Variants in NKAIN2 observed in about 807,000 individuals in gnomAD.
NKAIN2 encodes sodium/potassium transporting ATPase interacting 2, also known as sodium/potassium-transporting ATPase subunit beta-1-interacting protein 2.
Under a neutral mutation model 32.6 loss-of-function variants are expected in NKAIN2, and 14 were observed. The ratio of observed to expected loss-of-function variants is 0.43; its 90% confidence interval spans 0.28 to 0.67. The LOEUF (loss-of-function observed/expected upper bound fraction) is 0.67. Ranked by LOEUF, NKAIN2 falls within the 30% of genes least tolerant of loss-of-function variation. NKAIN2 has a pLI of 0.17. For synonymous variants in NKAIN2, 80 were observed against 87.2 expected, an observed-to-expected ratio of 0.92 and a Z score of 0.46; for missense variants, 198 against 258.3, an observed-to-expected ratio of 0.77 and a Z score of 1.60.
At chr6:124,477,822 TCTC>T (rs201716634) in intron 3 of NKAIN2, among the ~76,000 whole-genome samples, 5,632 of 134,732 alleles carry the variant, frequency 0.042, 206 homozygotes, top group Non-Finnish European at 0.063. Flanking sequence ...TCCATCTCTC[TCTC>T]CTCCTTCTTC....
At chr6:124,648,058 C>A (rs1338341871) in intron 3 of NKAIN2, among the ~76,000 whole-genome samples, 1 of 152,144 alleles carries the variant, frequency 6.6e-6, no homozygotes, top group African/African-American at 2.4e-5. Context: ...CCAAGTAAAA[C>A]AAACAAAGAA....
intron 3 of NKAIN2, among the ~76,000 whole-genome samples, chr6:124,523,760 T>G (rs1191786591): frequency 6.6e-6 from 1 of 152,100 alleles, no homozygotes; most frequent in Non-Finnish European, 1.5e-5. Context: ...GAAGGAACAA[T>G]GCTCCTAAGG....
intron 1 of NKAIN2, among the ~76,000 whole-genome samples, chr6:123,946,125 A>G (rs897316143): frequency 1.3e-5 from 2 of 152,184 alleles, no homozygotes; most frequent in Non-Finnish European, 2.9e-5. Flanking sequence ...TATCAGCTGC[A>G]CAACAATGCT....
chr6:123,929,198 G>A (rs1455953846), intron 1 of NKAIN2, among the ~76,000 whole-genome samples: 2 of 152,102 alleles, frequency 1.3e-5, no homozygotes, highest in African/African-American at 4.8e-5. Flanking sequence ...TGAATTTTGT[G>A]TTTTATACTT....
At chr6:124,386,241 G>T (rs984559670) in intron 3 of NKAIN2, among the ~76,000 whole-genome samples, 1 of 152,090 alleles carries the variant, frequency 6.6e-6, no homozygotes, top group Non-Finnish European at 1.5e-5. Context: ...ACGCCTTCCT[G>T]GATGTTTTTC....
chr6:124,337,048 A>G (rs545708186), intron 2 of NKAIN2, among the ~76,000 whole-genome samples: 5 of 152,268 alleles, frequency 3.3e-5, no homozygotes, highest in South Asian at 2.1e-4. Context: ...GTTGATAGTC[A>G]CTGGAGAGCT....
chr6:124,800,787 C>T (rs1452786180), intron 5 of NKAIN2, among the ~76,000 whole-genome samples: 3 of 152,092 alleles, frequency 2.0e-5, no homozygotes, highest in Non-Finnish European at 2.9e-5. Flanking sequence ...GGTGACCAGA[C>T]CTCAGAGTCA....
chr6:124,560,310 AC>A (rs1209305714), intron 3 of NKAIN2, among the ~76,000 whole-genome samples: 6 of 152,134 alleles, frequency 3.9e-5, no homozygotes, highest in Admixed American at 3.9e-4. Context: ...CCTTTCTGCC[AC>A]CATGTGAAGA....
intron 1 of NKAIN2, among the ~76,000 whole-genome samples, chr6:123,814,259 A>C (rs1338511074): frequency 6.6e-6 from 1 of 152,160 alleles, no homozygotes; most frequent in Admixed American, 6.5e-5. Flanking sequence ...AATAAATCAA[A>C]TTAACGAATG....
chr6:124,397,528 T>G (rs566735950), intron 3 of NKAIN2, among the ~76,000 whole-genome samples: 21 of 108,664 alleles, frequency 1.9e-4, no homozygotes, highest in Non-Finnish European at 2.9e-4. Context: ...TCACAGAGAG[T>G]TTTTTTTTTT....
At chr6:124,571,456 G>A (rs921121447) in intron 3 of NKAIN2, among the ~76,000 whole-genome samples, 2 of 152,124 alleles carry the variant, frequency 1.3e-5, no homozygotes, top group East Asian at 3.9e-4. Flanking sequence ...CTGAATCATG[G>A]CGGCCTGTCT....
intron 1 of NKAIN2, among the ~76,000 whole-genome samples, chr6:123,870,947 G>T (rs895528684): frequency 6.6e-6 from 1 of 151,538 alleles, no homozygotes; most frequent in South Asian, 2.1e-4. Context: ...TTTTCCAATC[G>T]TCAGAAGCAC....
intron 1 of NKAIN2, among the ~76,000 whole-genome samples, chr6:123,815,051 T>C (rs1397843751): frequency 1.3e-5 from 2 of 152,214 alleles, no homozygotes; most frequent in Admixed American, 6.5e-5. Flanking sequence ...GAACATGTGC[T>C]GAATAAATTG....
intron 4 of NKAIN2, among the ~76,000 whole-genome samples, chr6:124,749,541 T>C (rs1583788559): frequency 1.3e-5 from 2 of 151,960 alleles, no homozygotes; most frequent in South Asian, 4.1e-4. Context: ...CCTAATCTTA[T>C]ATGAGCACTC....
chr6:124,553,051 CAG>C (rs894668509), intron 3 of NKAIN2, among the ~76,000 whole-genome samples: 5 of 152,242 alleles, frequency 3.3e-5, no homozygotes, highest in Non-Finnish European at 7.4e-5. Flanking sequence ...TTTAAGGAGA[CAG>C]AAATGTCTAT....
intron 1 of NKAIN2, among the ~76,000 whole-genome samples, chr6:124,072,200 T>G (rs1343937782): frequency 1.3e-5 from 2 of 152,056 alleles, no homozygotes; most frequent in East Asian, 3.9e-4. Context: ...CTGGAAGCCA[T>G]TATCCAAAAC....
intron 1 of NKAIN2, among the ~76,000 whole-genome samples, chr6:124,253,202 C>A (rs901063452): frequency 2.6e-5 from 4 of 152,042 alleles, no homozygotes; most frequent in African/African-American, 4.8e-5. Flanking sequence ...AGTGTGGAAG[C>A]CTTGCACATT....
intron 1 of NKAIN2, among the ~76,000 whole-genome samples, chr6:124,124,429 A>G (rs978942072): frequency 6.6e-6 from 1 of 152,198 alleles, no homozygotes; most frequent in Non-Finnish European, 1.5e-5. Flanking sequence ...CTAGAATTTC[A>G]AAATGACAAA....
At chr6:124,671,420 A>C (rs901061743) in intron 4 of NKAIN2, among the ~76,000 whole-genome samples, 1 of 152,144 alleles carries the variant, frequency 6.6e-6, no homozygotes, top group Non-Finnish European at 1.5e-5. Flanking sequence ...TCTAAGCTGT[A>C]TATAAAATGA....
Sources: allele counts gnomAD v4.1 joint callset (sites outside exome capture counted in the v4.1 genomes callset), GRCh38; gene constraint gnomAD v4.1.1; transcripts MANE v1.5; gene names NCBI Gene and HGNC (gene_info 2026-07-23, HGNC 2026-07-21).